APP: variants seen among roughly 807,000 people sequenced by gnomAD.
The protein encoded by APP is amyloid beta precursor protein.
In APP, 31 loss-of-function variants were observed where a neutral mutation model predicts 101.4. The observed-to-expected ratio is 0.31, with a 90% CI of 0.23 to 0.41. The LOEUF is 0.41. Among genes scored for constraint, APP ranks in the 10% least tolerant of loss-of-function variants. APP has a pLI of 1.00. For synonymous variants in APP, 366 were observed against 364.4 expected, an observed-to-expected ratio of 1.00 and a Z score of -0.05; for missense variants, 839 against 1,003.7, an observed-to-expected ratio of 0.84 and a Z score of 2.22.
chr21:25,944,237 G>T (rs2040707758), intron 13 of APP, among the ~76,000 whole-genome samples: 1 of 152,194 alleles, frequency 6.6e-6, no homozygotes, highest in Admixed American at 6.5e-5. Context: ...AACAGGAGCT[G>T]AAATTAAGTA....
In APP at chr21:26,066,158, T is replaced by C. The variant is rs45548138; in HGVS notation, c.356-12810A>G. Among the ~76,000 whole-genome samples, 449 of 152,300 alleles carry C rather than the reference T, an allele frequency of 2.9e-3. 12 individuals are homozygous for C. Among genetic ancestry groups the C allele is most frequent in the Admixed American group, 0.025 (381 of 15,290 alleles). ...GGCCTTGTTAAAATGCAGGTTTTGA[T>C]TGGACAAGTCTAGGGTGGGACTGAG... On this transcript the variant is annotated intron_variant, in intron 3 of 17. Coordinates refer to ENST00000346798, the MANE Select transcript of APP (RefSeq NM_000484.4).
At chr21:26,160,477 A>G (rs1279487636) in intron 1 of APP, among the ~76,000 whole-genome samples, 2 of 152,238 alleles carry the variant, frequency 1.3e-5, no homozygotes, top group Non-Finnish European at 2.9e-5. Flanking sequence ...GGCTAATCAT[A>G]ATGACCTCAA....
chr21:25,975,972 A>G lies in APP; in HGVS notation c.1281T>C (p.Asp427=), dbSNP rs1315176322. 1.2e-6 allele frequency: 2 copies of G among 1,613,904 alleles called. No homozygotes were observed. Among genetic ancestry groups the G allele is most frequent in the Non-Finnish European group, 8.5e-7 (1 of 1,179,856 alleles). ...ERQAKNLPKA[D]KKAVIQHFQE... ...GTTTTACCTGGATAACTGCCTTCTT[A>G]TCAGCTTTAGGCAAGTTCTTTGCTT... The change falls in exon 10 of 18, where the codon GAT becomes GAC. Residue 427 remains aspartate (D), a synonymous_variant. Coordinates refer to ENST00000346798, the MANE Select transcript of APP (RefSeq NM_000484.4).
intron 2 of APP, among the ~76,000 whole-genome samples, chr21:26,103,220 C>T (rs2062103115): frequency 6.6e-6 from 1 of 152,174 alleles, no homozygotes; most frequent in East Asian, 1.9e-4. Flanking sequence ...ATTATCATGG[C>T]CTTTGCATTT....
intron 11 of APP, among the ~76,000 whole-genome samples, chr21:25,963,040 C>T (rs924756854): frequency 6.6e-6 from 1 of 152,194 alleles, no homozygotes; most frequent in African/African-American, 2.4e-5. Flanking sequence ...TCTCAAACTC[C>T]TGACCTCAGG....
chr21:26,035,477 G>T (rs1331374443), intron 5 of APP, among the ~76,000 whole-genome samples: 1 of 152,054 alleles, frequency 6.6e-6, no homozygotes, highest in Non-Finnish European at 1.5e-5. Flanking sequence ...GGAGGAGCTG[G>T]GTCAAATACA....
At chr21:25,937,357 C>T (rs2040404077) in intron 13 of APP, among the ~76,000 whole-genome samples, 1 of 152,204 alleles carries the variant, frequency 6.6e-6, no homozygotes, top group South Asian at 2.1e-4. Flanking sequence ...GGATTCGCAC[C>T]TGGAGTTGGT....
intron 1 of APP, among the ~76,000 whole-genome samples, chr21:26,135,107 A>C (rs753169044): frequency 3.9e-5 from 6 of 152,226 alleles, no homozygotes; most frequent in African/African-American, 1.4e-4. Context: ...TTCTTAGTGA[A>C]TAGACAGCAA....
intron 13 of APP, among the ~76,000 whole-genome samples, chr21:25,948,552 G>GT (rs1307811044): frequency 6.7e-6 from 1 of 149,726 alleles, no homozygotes; most frequent in Non-Finnish European, 1.5e-5. Flanking sequence ...AATAATTCAT[G>GT]TTTTTATTAA....
intron 10 of APP, among the ~76,000 whole-genome samples, chr21:25,975,669 C>A (rs184774484): frequency 2.5e-4 from 38 of 152,230 alleles, no homozygotes; most frequent in East Asian, 2.3e-3. Context: ...GAGGGAGAAG[C>A]AGCAGAAGAT....
Position 25,975,911 on chromosome 21 carries a change from T to C in APP, c.1299+43A>G, listed in dbSNP as rs115962715. 781 of 1,509,658 alleles carry C rather than the reference T, an allele frequency of 5.2e-4. 2 individuals are homozygous for C. The African/African-American group carries it at 8.0e-3, about 16-fold the overall frequency. The allele number at this position is 1,509,658 out of a possible 1,614,324, so 93.5% of individuals were successfully genotyped here. A position where few individuals can be genotyped will look rare whatever the true frequency, so the allele number is the denominator to read the frequency against. The stretch of plus-strand genomic sequence containing the variant: ...ACCTGCAGACACTCATTAAAAAGAC[T>C]GCTGGCATGTGATGTTTGGTAGGAA... On this transcript the variant is annotated intron_variant, in intron 10 of 17. Coordinates refer to ENST00000346798, the MANE Select transcript of APP (RefSeq NM_000484.4).
intron 1 of APP, among the ~76,000 whole-genome samples, chr21:26,141,554 T>C (rs1310959695): frequency 6.6e-6 from 1 of 152,220 alleles, no homozygotes; most frequent in African/African-American, 2.4e-5. Context: ...ATTTACATTC[T>C]GTCATTTACA....
chr21:26,153,020 T>C (rs1601585350), intron 1 of APP, among the ~76,000 whole-genome samples: 2 of 152,350 alleles, frequency 1.3e-5, no homozygotes, highest in Middle Eastern at 3.4e-3. Context: ...GAGGCCATTA[T>C]TCTAAGTAAA....
At chr21:26,115,311 C>G (rs1475515298) in intron 1 of APP, among the ~76,000 whole-genome samples, 1 of 102,796 alleles carries the variant, frequency 9.7e-6, no homozygotes, top group Non-Finnish European at 2.2e-5. Flanking sequence ...CCATGTTTCT[C>G]AAGTAAAATT....
Position 25,911,918 on chromosome 21 carries a change from C to T in APP, c.1732G>A (p.Ala578Thr). The T allele has an allele frequency of 6.2e-7, 1 of 1,614,182 alleles. No individual in the cohort carries two copies. The change falls in exon 14 of 18, where the codon GCC (alanine) becomes ACC (threonine). Residue 578 changes from alanine to threonine, a missense_variant. Transcript: ENST00000346798. ...KEQNYSDDVL[A>T]NMISEPRISY... ...ATCCTTGGTTCACTAATCATGTTGG[C>T]CAAGACGTCATCTGAATAGTTTTGC... is the stretch of plus-strand genomic sequence containing the variant.
chr21:25,930,586 TTATA>T (rs34986093), intron 13 of APP, among the ~76,000 whole-genome samples: 1 of 150,056 alleles, frequency 6.7e-6, no homozygotes, highest in African/African-American at 2.5e-5. Context: ...ATAGCACAAA[TTATA>T]TATATATATA....
intron 3 of APP, among the ~76,000 whole-genome samples, chr21:26,085,651 AGTT>A (rs1456796196): frequency 1.3e-5 from 2 of 152,128 alleles, no homozygotes; most frequent in African/African-American, 4.8e-5. Context: ...GTCTCAAGAG[AGTT>A]GTTGTTTACA....
chr21:26,025,964 T>G (rs2044553325), intron 5 of APP, among the ~76,000 whole-genome samples: 1 of 152,354 alleles, frequency 6.6e-6, no homozygotes, highest in East Asian at 1.9e-4. Flanking sequence ...ATTACAACTT[T>G]TAACTGCAGT....
At chr21:26,049,776 G>GA (rs1422919070) in intron 5 of APP, among the ~76,000 whole-genome samples, 1 of 152,116 alleles carries the variant, frequency 6.6e-6, no homozygotes, top group Non-Finnish European at 1.5e-5. Flanking sequence ...GGCAGGCAGG[G>GA]AAAAAGAGGA....
Sources: allele counts gnomAD v4.1 joint callset (sites outside exome capture counted in the v4.1 genomes callset), GRCh38; gene constraint gnomAD v4.1.1; transcripts MANE v1.5; gene names NCBI Gene and HGNC (gene_info 2026-07-23, HGNC 2026-07-21).